Variants in PPP2R2C observed in about 807,000 individuals in gnomAD.
PPP2R2C encodes protein phosphatase 2, regulatory subunit B, gamma.
A neutral mutation model predicts 45.3 loss-of-function variants in PPP2R2C; 10 were observed. The ratio of observed to expected loss-of-function variants is 0.22; its 90% confidence interval spans 0.14 to 0.37. PPP2R2C has a LOEUF of 0.37. Ranked by LOEUF, PPP2R2C falls within the 10% of genes least tolerant of loss-of-function variation. The pLI is 1.00. For missense variants in PPP2R2C, 308 were observed against 619.7 expected (o/e 0.50, Z 5.34); for synonymous variants, 257 against 245.4 (o/e 1.05, Z -0.44).
intron 6 of PPP2R2C, among the ~76,000 whole-genome samples, chr4:6,344,172 G>A (rs570909068): frequency 3.9e-5 from 6 of 152,336 alleles, no homozygotes; most frequent in African/African-American, 7.2e-5. Context: ...TCCGCACCTC[G>A]GCCTGCCAGA....
At chr4:6,439,328 C>T (rs568635679) in intron 1 of PPP2R2C, among the ~76,000 whole-genome samples, 1 of 152,338 alleles carries the variant, frequency 6.6e-6, no homozygotes, top group South Asian at 2.1e-4. Context: ...ACTCCTTCTG[C>T]AGTTTGTGAC....
chr4:6,359,080 G>C (rs1290241495), intron 5 of PPP2R2C, among the ~76,000 whole-genome samples: 1 of 152,204 alleles, frequency 6.6e-6, no homozygotes, highest in African/African-American at 2.4e-5. Flanking sequence ...CAATAGCAAA[G>C]ACTTGGAACC....
chr4:6,327,438 C>T (rs985389046), intron 8 of PPP2R2C, among the ~76,000 whole-genome samples: 1 of 152,220 alleles, frequency 6.6e-6, no homozygotes, highest in African/African-American at 2.4e-5. Flanking sequence ...GAGCAGGCAT[C>T]ACCTGGCCGC....
chr4:6,375,803 C>G lies in PPP2R2C; in HGVS notation c.447+16G>C, dbSNP rs4688997. On this transcript the variant is annotated intron_variant, in intron 4 of 8. Coordinates refer to ENST00000382599, the MANE Select transcript of PPP2R2C (RefSeq NM_020416.4). ...ATAAAGAGGCGTGTGCCTGCTTCCC[C>G]CTCACCGGAGCTCACCTGCAGTGAC... is the stretch of plus-strand genomic sequence containing the variant. 0.73 allele frequency: 1,149,598 copies of G among 1,581,424 alleles called. 422,850 individuals carry two copies. Among genetic ancestry groups the G allele is most frequent in the East Asian group, 0.99 (44,234 of 44,502 alleles).
At chr4:6,440,273 G>A (rs6829192) in intron 1 of PPP2R2C, among the ~76,000 whole-genome samples, 47 of 152,356 alleles carry the variant, frequency 3.1e-4, no homozygotes, top group African/African-American at 1.1e-3. Flanking sequence ...CATGTTGCAT[G>A]AATTCATTTT....
chr4:6,391,965 G>A (rs768781550), intron 1 of PPP2R2C, among the ~76,000 whole-genome samples: 12 of 152,156 alleles, frequency 7.9e-5, no homozygotes, highest in Non-Finnish European at 1.5e-4. Flanking sequence ...CCTCCGAGGC[G>A]CCAGGTTTAC....
At chr4:6,526,597 G>GC (rs1724217481) in intron 2 of PPP2R2C, among the ~76,000 whole-genome samples, 1 of 152,238 alleles carries the variant, frequency 6.6e-6, no homozygotes, top group Non-Finnish European at 1.5e-5. Context: ...GGCACCCTGA[G>GC]CGCAGTGCCT....
At chr4:6,422,162 T>G (rs904861267) in intron 1 of PPP2R2C, among the ~76,000 whole-genome samples, 1 of 152,070 alleles carries the variant, frequency 6.6e-6, no homozygotes, top group Non-Finnish European at 1.5e-5. Flanking sequence ...GACCCAAGAC[T>G]TGGGAGGTTG....
Position 6,326,499 on chromosome 4 carries a change from G to A in PPP2R2C, c.1052+2763C>T, listed in dbSNP as rs1389644511. 2.6e-5 allele frequency among the ~76,000 whole-genome samples: 4 copies of A among 152,194 alleles called. No homozygotes were observed. The East Asian group carries it at 7.7e-4, about 29-fold the overall frequency. On this transcript the variant is annotated intron_variant, in intron 8 of 8. Transcript: ENST00000382599. Reference sequence around the variant, plus strand: ...GGGGGCGTTGAAGCCTGTTGTGGGAGGGCCTGCGGGATTCCTCCGGGTAGG... The same window carrying A: ...GGGGGCGTTGAAGCCTGTTGTGGGAAGGCCTGCGGGATTCCTCCGGGTAGG...
chr4:6,479,092 A>G (rs893831575), intron 2 of PPP2R2C, among the ~76,000 whole-genome samples: 2 of 152,224 alleles, frequency 1.3e-5, no homozygotes, highest in African/African-American at 4.8e-5. Flanking sequence ...AGCCAACCAC[A>G]GGACCCACTT....
intron 2 of PPP2R2C, among the ~76,000 whole-genome samples, chr4:6,530,728 G>A (rs1724368963): frequency 6.6e-6 from 1 of 152,138 alleles, no homozygotes; most frequent in Admixed American, 6.5e-5. Flanking sequence ...CTACCTCCTA[G>A]GCAACCATGA....
At chr4:6,414,469 T>TCAGGCA (rs958315314) in intron 1 of PPP2R2C, among the ~76,000 whole-genome samples, 2 of 151,942 alleles carry the variant, frequency 1.3e-5, no homozygotes, top group African/African-American at 4.8e-5. Context: ...GGGAGGAGCA[T>TCAGGCA]CAGGCAAGCA....
At chr4:6,542,805 C>G (rs1276358281) in intron 1 of PPP2R2C, among the ~76,000 whole-genome samples, 1 of 151,822 alleles carries the variant, frequency 6.6e-6, no homozygotes, top group African/African-American at 2.4e-5. Flanking sequence ...AACACTGACA[C>G]GAGAAGAAAT....
At chr4:6,356,002 A>G (rs1713149879) in intron 5 of PPP2R2C, among the ~76,000 whole-genome samples, 1 of 146,476 alleles carries the variant, frequency 6.8e-6, no homozygotes, top group Non-Finnish European at 1.5e-5. Flanking sequence ...GGAAAAAAAA[A>G]AAAAAAAAAA....
At position 6,464,567 on chromosome 4, in the gene PPP2R2C, A is replaced by G. The variant is rs192727005; in HGVS notation, c.70+7593T>C. On this transcript the variant is annotated intron_variant, in intron 1 of 8. Coordinates refer to ENST00000382599, the MANE Select transcript of PPP2R2C (RefSeq NM_020416.4). ...GCTGAACAAAAGGAAAAAATGTTCA[A>G]CCTCATTGGTATGCAGACGTGAATT... Among the ~76,000 whole-genome samples the G allele has an allele frequency of 4.0e-3, 612 of 152,314 alleles. 5 individuals are homozygous for G. Among genetic ancestry groups the G allele is most frequent in the African/African-American group, 0.014 (569 of 41,554 alleles).
intron 1 of PPP2R2C, chr4:6,383,524 G>T (rs1716008521): frequency 2.1e-6 from 2 of 947,346 alleles, no homozygotes; most frequent in Non-Finnish European, 2.9e-6. Context: ...CTCTCGGCCT[G>T]CAGTGGCTTT....
At chr4:6,393,223 G>C (rs910757276) in intron 1 of PPP2R2C, among the ~76,000 whole-genome samples, 7 of 151,896 alleles carry the variant, frequency 4.6e-5, no homozygotes, top group African/African-American at 1.7e-4. Context: ...CCCCACATCC[G>C]TCGGCAGCCA....
rs1732138331 is a variant in PPP2R2C at position 6,328,534 on chromosome 4, T to C, written c.1052+728A>G. On this transcript the variant is annotated intron_variant, in intron 8 of 8. Coordinates refer to ENST00000382599, the MANE Select transcript of PPP2R2C (RefSeq NM_020416.4). This position sits in a 1 kb window ranked among gnomAD's most constrained non-coding sequence, Gnocchi z 4.4. The stretch of plus-strand genomic sequence containing the variant: ...AAGAGGGATTTTCCCACCTCCAGAA[T>C]GGAGGAAGAATCCCAGAGAAGAGAC... Among the ~76,000 whole-genome samples the C allele has an allele frequency of 6.6e-6, 1 of 152,254 alleles. No individual in the cohort carries two copies. The highest frequency in any genetic ancestry group is 3.4e-3 in the Middle Eastern group (1 of 294).
At chr4:6,335,753 G>A (rs966036753) in intron 6 of PPP2R2C, among the ~76,000 whole-genome samples, 1 of 151,970 alleles carries the variant, frequency 6.6e-6, no homozygotes, top group Non-Finnish European at 1.5e-5. Context: ...GGTGAGAGGA[G>A]GGGGAGGGAA....
Sources: gnomAD v4.1 joint callset for allele counts (sites outside exome capture counted in the v4.1 genomes callset) on GRCh38, gnomAD v4.1.1 for gene constraint, Gnocchi (gnomAD v3.1) non-coding constraint, MANE v1.5 for transcripts, NCBI Gene and HGNC (gene_info 2026-07-23, HGNC 2026-07-21) for gene names.